The following CACNA1D variants were observed in gnomAD, a reference collection of about 807,000 sequenced individuals.
The protein encoded by CACNA1D is voltage-dependent L-type calcium channel subunit alpha-1D.
In CACNA1D, 55 loss-of-function variants were observed where a neutral mutation model predicts 257.1. The observed-to-expected ratio is 0.21, with a 90% CI of 0.17 to 0.27. The LOEUF is 0.27. Ranked by LOEUF, CACNA1D falls within the 10% of genes least tolerant of loss-of-function variation. CACNA1D has a pLI of 1.00. For synonymous variants in CACNA1D, 980 were observed against 1,014.9 expected (o/e 0.97, Z 0.65); for missense variants, 1,876 against 2,784.0 (o/e 0.67, Z 7.34).
In CACNA1D at chr3:53,808,785, T is replaced by C; in HGVS notation, c.5871+15T>C. 3.1e-6 allele frequency: 5 copies of C among 1,604,200 alleles called. No individual in the cohort carries two copies. Among genetic ancestry groups the C allele is most frequent in the Non-Finnish European group, 4.2e-6 (5 of 1,179,890 alleles). On this transcript the variant is annotated intron_variant, in intron 46 of 47. Coordinates refer to ENST00000350061, the MANE Select transcript of CACNA1D (RefSeq NM_001128840.3). ...TGCAGCAACAGGTGAGCGGCCCACC[T>C]GGCCTTGCCCCCACACCTAGGGGCA...
intron 15 of CACNA1D, 87 bp from the exon 16 acceptor site, chr3:53,730,355 G>T: frequency 1.2e-6 from 1 of 862,088 alleles, no homozygotes; most frequent in South Asian, 1.4e-5. Context: ...CCAGCTTCCC[G>T]GGATGCAGAG....
chr3:53,745,593 G>A (rs745882538), intron 23 of CACNA1D, 31 bp from the exon 24 acceptor site: 6 of 1,464,716 alleles, frequency 4.1e-6, no homozygotes, highest in Non-Finnish European at 5.7e-6. Context: ...AAATCACAAA[G>A]AAGAGTCACG....
Position 53,811,365 on chromosome 3 carries a change from G to A in CACNA1D, c.6445G>A (p.Glu2149Lys). ...DEEPDPGRDEEDLADEMICIT... is the reference protein window; with the variant it reads ...DEEPDPGRDEKDLADEMICIT... ...AGAGCCAGACCCTGGGAGGGATGAG[G>A]AGGACCTGGCGGATGAAATGATATG... Residue 2149 changes from glutamate to lysine, a missense_variant, in exon 48 of 48, where the codon GAG (glutamate) becomes AAG (lysine). Coordinates refer to ENST00000350061, the MANE Select transcript of CACNA1D (RefSeq NM_001128840.3). The surrounding 1 kb of genome is among the most constrained non-coding windows in gnomAD (Gnocchi z 4.2). 1 of 1,590,760 alleles carries A rather than the reference G, an allele frequency of 6.3e-7. No homozygotes were observed. The highest frequency in any genetic ancestry group is 8.6e-7 in the Non-Finnish European group (1 of 1,165,376).
chr3:53,718,367 G>A lies in CACNA1D; in HGVS notation c.1457G>A (p.Arg486Gln), dbSNP rs745835964. Residue 486 changes from arginine (R) to glutamine (Q), a missense_variant, in exon 10 of 48, where the codon CGA becomes CAA. Coordinates refer to ENST00000350061, the MANE Select transcript of CACNA1D (RefSeq NM_001128840.3). ...TENVSGEGEN[R>Q]GCCGSLCQAI... Reference sequence around the variant, plus strand: ...AACGTCAGCGGTGAAGGCGAGAACCGAGGCTGCTGTGGAAGTCTCTGGTGA... The same window carrying A: ...AACGTCAGCGGTGAAGGCGAGAACCAAGGCTGCTGTGGAAGTCTCTGGTGA... 21 of 1,613,984 alleles carry A rather than the reference G, an allele frequency of 1.3e-5. No individual in the cohort carries two copies. Among genetic ancestry groups the A allele is most frequent in the Admixed American group, 8.3e-5 (5 of 60,010 alleles).
chr3:53,800,487 G>T lies in CACNA1D; in HGVS notation c.5040+122G>T. On this transcript the variant is annotated intron_variant, in intron 41 of 47. Coordinates refer to ENST00000350061, the MANE Select transcript of CACNA1D (RefSeq NM_001128840.3). This position sits in a 1 kb window ranked among gnomAD's most constrained non-coding sequence, Gnocchi z 4.3. Reference sequence around the variant, plus strand: ...ATGCAGCCCATCCCCAGGGCCTAGAGGGGCTTTCAGACCACACCCTCCCCC... The same window carrying T: ...ATGCAGCCCATCCCCAGGGCCTAGATGGGCTTTCAGACCACACCCTCCCCC... 2.5e-6 allele frequency: 2 copies of T among 789,578 alleles called. No individual in the cohort carries two copies. The highest frequency in any genetic ancestry group is 1.4e-5 in the South Asian group (1 of 73,420). The allele number at this position is 789,578 out of a possible 1,614,324, so 48.9% of individuals were successfully genotyped here. A position where few individuals can be genotyped will look rare whatever the true frequency, so the allele number is the denominator to read the frequency against.
intron 3 of CACNA1D, among the ~76,000 whole-genome samples, chr3:53,517,163 C>T (rs903983230): frequency 2.0e-5 from 3 of 151,732 alleles, no homozygotes; most frequent in Non-Finnish European, 2.9e-5. Flanking sequence ...GAGAGAGGGC[C>T]TCGAGGAGAG....
chr3:53,735,810 CT>C (rs1460918674), intron 20 of CACNA1D, among the ~76,000 whole-genome samples: 1 of 152,212 alleles, frequency 6.6e-6, no homozygotes, highest in African/African-American at 2.4e-5. Context: ...CCTCCTTTCC[CT>C]CCCTGCTCAG....
intron 31 of CACNA1D, 56 bp downstream of exon 31, chr3:53,770,073 C>G: frequency 1.4e-6 from 2 of 1,397,490 alleles, no homozygotes; most frequent in Non-Finnish European, 2.0e-6. Flanking sequence ...TTTATTTGAC[C>G]ATGTCGAGTT....
intron 14 of CACNA1D, 136 bp from the exon 15 acceptor site, chr3:53,726,743 A>G: frequency 2.1e-6 from 2 of 942,680 alleles, no homozygotes; most frequent in East Asian, 2.4e-5. Flanking sequence ...CCATGGGATA[A>G]CAGATGGATT....
chr3:53,695,838 C>T (rs2094568338), intron 8 of CACNA1D, among the ~76,000 whole-genome samples: 1 of 152,230 alleles, frequency 6.6e-6, no homozygotes. Context: ...CCTGTGAAAG[C>T]TGATAGGAGT....
chr3:53,775,088 T>C (rs1292787672), intron 34 of CACNA1D, among the ~76,000 whole-genome samples: 1 of 152,224 alleles, frequency 6.6e-6, no homozygotes, highest in Non-Finnish European at 1.5e-5. Context: ...TTCAAATTTT[T>C]TGGGATTGCT....
intron 7 of CACNA1D, among the ~76,000 whole-genome samples, chr3:53,672,794 G>A: frequency 6.7e-6 from 1 of 150,074 alleles, no homozygotes; most frequent in South Asian, 2.1e-4. Flanking sequence ...GTGTGTGTGT[G>A]TGTGTGTGTG....
intron 3 of CACNA1D, among the ~76,000 whole-genome samples, chr3:53,637,942 G>A (rs1293647390): frequency 6.6e-6 from 1 of 152,096 alleles, no homozygotes; most frequent in African/African-American, 2.4e-5. Context: ...TATCTCAAAC[G>A]CTGTGTCTTA....
At chr3:53,674,182 T>C (rs2094351787) in intron 8 of CACNA1D, 2 of 378,816 alleles carry the variant, frequency 5.3e-6, no homozygotes, top group Middle Eastern at 8.6e-4. Context: ...CTCCTTGTCG[T>C]TTTGTGTCTA....
Position 53,800,877 on chromosome 3 carries a change from G to A in CACNA1D, c.5041-181G>A, listed in dbSNP as rs759058247. ...GGAAATCGGTAACCTTCCTCATCTC[G>A]GGGGGACCAACTGCCACACAGTCAC... On this transcript the variant is annotated intron_variant, in intron 41 of 47. Coordinates refer to ENST00000350061, the MANE Select transcript of CACNA1D (RefSeq NM_001128840.3). This position sits in a 1 kb window ranked among gnomAD's most constrained non-coding sequence, Gnocchi z 4.3. 33 of 658,372 alleles carry A rather than the reference G, an allele frequency of 5.0e-5. No homozygotes were observed. The highest frequency in any genetic ancestry group is 2.2e-4 in the African/African-American group (12 of 55,674). The allele number at this position is 658,372 out of a possible 1,614,324, so 40.8% of individuals were successfully genotyped here.
chr3:53,722,841 C>T (rs535125139), intron 12 of CACNA1D, among the ~76,000 whole-genome samples: 1 of 152,288 alleles, frequency 6.6e-6, no homozygotes, highest in Admixed American at 6.5e-5. Flanking sequence ...GCTTTGAATG[C>T]TCCAGCACTG....
At chr3:53,810,427 C>G (rs772318854) in intron 47 of CACNA1D, 129 bp downstream of exon 47, 10 of 872,682 alleles carry the variant, frequency 1.1e-5, no homozygotes, top group Non-Finnish European at 1.9e-5. Context: ...TCAGACACTT[C>G]TGAGCAGCAG....
At chr3:53,548,373 A>T (rs117615413) in intron 3 of CACNA1D, among the ~76,000 whole-genome samples, 11,112 of 127,292 alleles carry the variant, frequency 0.087, 1,138 homozygotes, top group African/African-American at 0.28. Context: ...TTTTTTTTTA[A>T]AAATTATCTT....
At chr3:53,764,509 G>A (rs1344984160) in intron 30 of CACNA1D, among the ~76,000 whole-genome samples, 1 of 152,196 alleles carries the variant, frequency 6.6e-6, no homozygotes, top group East Asian at 1.9e-4. Flanking sequence ...CTTAGCTTCC[G>A]GGCACCAGGA....
Sources: gnomAD v4.1 joint callset for allele counts (sites outside exome capture counted in the v4.1 genomes callset) on GRCh38, gnomAD v4.1.1 for gene constraint, Gnocchi (gnomAD v3.1) non-coding constraint, MANE v1.5 for transcripts, NCBI Gene and HGNC (gene_info 2026-07-23, HGNC 2026-07-21) for gene names.